The following DRC1 variants were observed in gnomAD, a reference collection of about 807,000 sequenced individuals.
DRC1 encodes the protein dynein regulatory complex subunit 1.
A neutral mutation model predicts 98.7 loss-of-function variants in DRC1; 74 were observed. That is an observed-to-expected ratio of 0.75 (90% confidence interval 0.62 to 0.91). DRC1 has a LOEUF of 0.91. Among genes scored for constraint, DRC1 ranks in the 40% least tolerant of loss-of-function variants. The probability of loss-of-function intolerance (pLI) is 0.00; values close to 1 mark genes in which losing one functional copy is unlikely to be tolerated. For synonymous variants in DRC1, 336 were observed against 334.1 expected (o/e 1.01, Z -0.06); for missense variants, 875 against 886.0 (o/e 0.99, Z 0.16).
chr2:26,430,895 A>AG (rs1386199500), intron 6 of DRC1, 23 bp downstream of exon 6: 4 of 1,586,380 alleles, frequency 2.5e-6, no homozygotes, highest in Non-Finnish European at 2.6e-6. Context: ...GCCTGTCAAG[A>AG]GTGATCCGTG....
chr2:26,432,009 G>T lies in DRC1; in HGVS notation c.888+3G>T. 6.2e-7 allele frequency: 1 copy of T among 1,613,444 alleles called. No homozygotes were observed. Among genetic ancestry groups the T allele is most frequent in the Non-Finnish European group, 8.5e-7 (1 of 1,179,596 alleles). On this transcript the variant is annotated splice_donor_region_variant and intron_variant, in intron 7 of 16. Transcript: ENST00000288710. ...TCAAGCTGGAGCAGGATGTGCAGGT[G>T]CAACAGCTGGTCCTCACTAGGGTGC...
chr2:26,414,207 C>A (rs1678718524), intron 1 of DRC1, 137 bp from the exon 2 acceptor site: 2 of 636,258 alleles, frequency 3.1e-6, no homozygotes, highest in African/African-American at 1.9e-5. Context: ...GAACTCCTGG[C>A]CTTAAGCAAT....
At chr2:26,449,730 G>T (rs528164208) in intron 11 of DRC1, among the ~76,000 whole-genome samples, 1 of 152,228 alleles carries the variant, frequency 6.6e-6, no homozygotes, top group Non-Finnish European at 1.5e-5. Context: ...GAGGTGGGTT[G>T]GTGCCCTTCT....
intron 1 of DRC1, among the ~76,000 whole-genome samples, chr2:26,412,863 A>G (rs1003804972): frequency 2.6e-5 from 4 of 152,076 alleles, no homozygotes; most frequent in Admixed American, 2.6e-4. Flanking sequence ...GCTCACTGCA[A>G]GCTCCGCCTC....
At chr2:26,440,139 G>A in intron 7 of DRC1, among the ~76,000 whole-genome samples, 1 of 150,668 alleles carries the variant, frequency 6.6e-6, no homozygotes, top group Non-Finnish European at 1.5e-5. Flanking sequence ...TATGAATATA[G>A]GTACAAAGAT....
At chr2:26,450,714 T>A (rs1465710686) in intron 13 of DRC1, 33 bp downstream of exon 13, 1 of 1,479,590 alleles carries the variant, frequency 6.8e-7, no homozygotes, top group Non-Finnish European at 9.0e-7. Context: ...GAAAGCATTT[T>A]CTTTCTTTCT....
At chr2:26,405,502 T>A (rs1277758589) in intron 1 of DRC1, among the ~76,000 whole-genome samples, 1 of 151,968 alleles carries the variant, frequency 6.6e-6, no homozygotes, top group Non-Finnish European at 1.5e-5. Context: ...ATATGAAGAA[T>A]AATAGATGTG....
intron 16 of DRC1, among the ~76,000 whole-genome samples, chr2:26,455,663 G>A (rs143131242): frequency 6.6e-6 from 1 of 152,320 alleles, no homozygotes; most frequent in East Asian, 1.9e-4. Flanking sequence ...TTTGCAACTC[G>A]TCCAGAGCCT....
chr2:26,441,269 CA>C (rs1476208587), intron 8 of DRC1, among the ~76,000 whole-genome samples: 1 of 152,110 alleles, frequency 6.6e-6, no homozygotes, highest in Non-Finnish European at 1.5e-5. Flanking sequence ...CTCCAAACCC[CA>C]AATAGCCTAT....
At position 26,419,132 on chromosome 2, in the gene DRC1, G is replaced by A. The variant is rs935227455; in HGVS notation, c.244-2156G>A. Among the ~76,000 whole-genome samples, 19 of 151,944 alleles carry A rather than the reference G, an allele frequency of 1.3e-4. No individual in the cohort carries two copies. The East Asian group carries it at 2.3e-3, about 19-fold the overall frequency. On this transcript the variant is annotated intron_variant, in intron 2 of 16. Coordinates refer to ENST00000288710, the MANE Select transcript of DRC1 (RefSeq NM_145038.5). ...TTGAACTCCTGGCCTCAGGTGAACC[G>A]CCCGTGTTGGCCTCCCAAATTGCTG...
intron 6 of DRC1, 67 bp downstream of exon 6, chr2:26,430,939 C>T: frequency 2.0e-6 from 2 of 1,021,728 alleles, no homozygotes; most frequent in African/African-American, 1.7e-5. Context: ...ACTGAATTTG[C>T]TAGCTAGCCT....
intron 13 of DRC1, 145 bp from the exon 14 acceptor site, chr2:26,453,175 C>T: frequency 1.1e-6 from 1 of 903,696 alleles, no homozygotes; most frequent in Non-Finnish European, 1.7e-6. Context: ...CCCACTCTTT[C>T]TCCTGTTTCT....
At chr2:26,441,121 C>T (rs1663707262) in intron 8 of DRC1, among the ~76,000 whole-genome samples, 1 of 152,212 alleles carries the variant, frequency 6.6e-6, no homozygotes, top group Non-Finnish European at 1.5e-5. Flanking sequence ...CCTTCTTCCT[C>T]ATCTCCTTAC....
chr2:26,416,729 T>A (rs1220127691), intron 2 of DRC1, among the ~76,000 whole-genome samples: 1 of 152,238 alleles, frequency 6.6e-6, no homozygotes, highest in African/African-American at 2.4e-5. Context: ...TGACCATGTA[T>A]GTGTGAGTTC....
intron 10 of DRC1, among the ~76,000 whole-genome samples, chr2:26,448,023 G>A (rs1428180212): frequency 6.6e-6 from 1 of 150,538 alleles, no homozygotes; most frequent in Non-Finnish European, 1.5e-5. Flanking sequence ...TCAGGAGTTC[G>A]AGACCAGCCT....
chr2:26,418,147 T>G (rs1051587534), intron 2 of DRC1, among the ~76,000 whole-genome samples: 3 of 152,098 alleles, frequency 2.0e-5, no homozygotes, highest in African/African-American at 4.8e-5. Flanking sequence ...TTGTCCCCTC[T>G]AGATTACTGA....
At chr2:26,456,387 AG>A (rs1664173430) in intron 16 of DRC1, 73 bp from the exon 17 acceptor site, 25 of 1,592,316 alleles carry the variant, frequency 1.6e-5, no homozygotes, top group Non-Finnish European at 2.1e-5. Flanking sequence ...TGGGAGAGCC[AG>A]CGTGGCTCGC....
chr2:26,454,928 G>A lies in DRC1; in HGVS notation c.2063+138G>A, dbSNP rs1572389160. On this transcript the variant is annotated intron_variant, in intron 15 of 16. Coordinates refer to ENST00000288710, the MANE Select transcript of DRC1 (RefSeq NM_145038.5). The surrounding 1 kb of genome is among the most constrained non-coding windows in gnomAD (Gnocchi z 5.2). The stretch of plus-strand genomic sequence containing the variant: ...TGCCCTTGGCATCTCCTGTGTGGGT[G>A]GATCATGTGGGGCAGTTGGCTCTTG... 2.1e-5 allele frequency: 30 copies of A among 1,460,618 alleles called. 1 individual carries two copies. The South Asian group carries it at 3.7e-4, about 18-fold the overall frequency. The allele number at this position is 1,460,618 out of a possible 1,614,324, so 90.5% of individuals were successfully genotyped here.
At chr2:26,436,459 A>T (rs1039631589) in intron 7 of DRC1, among the ~76,000 whole-genome samples, 6 of 151,876 alleles carry the variant, frequency 4.0e-5, no homozygotes, top group African/African-American at 1.4e-4. Context: ...CTACAGGCAC[A>T]TGCCACCATG....
Sources: allele counts gnomAD v4.1 joint callset (sites outside exome capture counted in the v4.1 genomes callset), GRCh38; gene constraint gnomAD v4.1.1; non-coding constraint Gnocchi (gnomAD v3.1); transcripts MANE v1.5; gene names NCBI Gene and HGNC (gene_info 2026-07-23, HGNC 2026-07-21).